Variants in ARFRP1 observed in about 807,000 individuals in gnomAD.
ARFRP1 encodes the protein ARF related protein 1, also known as ADP-ribosylation factor-related protein 1.
A neutral mutation model predicts 30.3 loss-of-function variants in ARFRP1; 19 were observed. The observed-to-expected ratio is 0.63, with a 90% CI of 0.44 to 0.92. The LOEUF is 0.92. ARFRP1 is among the 40% of genes least tolerant of loss of function. ARFRP1 has a pLI of 0.00. For synonymous variants in ARFRP1, 133 were observed against 114.2 expected, an observed-to-expected ratio of 1.16 and a Z score of -1.05; for missense variants, 245 against 267.5, an observed-to-expected ratio of 0.92 and a Z score of 0.59.
intron 6 of ARFRP1, 119 bp from the exon 7 acceptor site, chr20:63,700,821 A>T: frequency 7.3e-7 from 1 of 1,372,816 alleles, no homozygotes. Context: ...GAGCTCCACC[A>T]GGGTCCCAGT....
Position 63,699,268 on chromosome 20 carries a change from C to T in ARFRP1, c.*1175G>A, listed in dbSNP as rs992044316. On this transcript the variant is annotated 3_prime_UTR_variant, in exon 8 of 8. Transcript: ENST00000622789. ...GGACGCGGGGACTTCCAGGGCCCGA[C>T]TCCTGTGAGTCACAGCCCCGCAGCT... The T allele has an allele frequency of 3.3e-5, 5 of 152,258 alleles. No homozygotes were observed. Among genetic ancestry groups the T allele is most frequent in the African/African-American group, 1.2e-4 (5 of 41,428 alleles). 9.4% of individuals were successfully genotyped at this position (152,258 alleles called of 1,614,324 possible).
intron 4 of ARFRP1, chr20:63,705,413 G>A (rs945087624): frequency 1.9e-5 from 5 of 269,684 alleles, no homozygotes; most frequent in Non-Finnish European, 3.0e-5. Context: ...CAGGGAGCCC[G>A]AGGAAGCCAC....
In ARFRP1 at chr20:63,702,143, C is replaced by G. The variant is rs1262727562; in HGVS notation, c.339G>C (p.Gln113His). 2 of 1,611,208 alleles carry G rather than the reference C, an allele frequency of 1.2e-6. No homozygotes were observed. Among genetic ancestry groups the G allele is most frequent in the Non-Finnish European group, 1.7e-6 (2 of 1,179,682 alleles). The stretch of plus-strand genomic sequence containing the variant: ...CAGCCAGGCCGCACTCACCAAACGC[C>G]TGCTTGGACTCAGCCAGCCTCTCCT... ...TDEERLAESK[Q>H]AFEKVVTSEA... Residue 113 changes from glutamine to histidine, a missense_variant, in exon 5 of 8, where the codon CAG becomes CAC. Coordinates refer to ENST00000622789, the MANE Select transcript of ARFRP1 (RefSeq NM_001267547.3).
rs767032612 is a variant in ARFRP1 at position 63,706,740 on chromosome 20, TGAG to T, written c.94-5_94-3del. On this transcript the variant is annotated splice_region_variant and splice_polypyrimidine_tract_variant and intron_variant, in intron 2 of 7. Transcript: ENST00000622789. ...GGTTTTCGACTGCTCCAGGAAGGTC[TGAG>T]GAGAGAGGCAGAGGCGAAACACATC... 1 of 1,610,902 alleles carries T rather than the reference TGAG, an allele frequency of 6.2e-7. No individual in the cohort carries two copies. Among genetic ancestry groups the T allele is most frequent in the South Asian group, 1.1e-5 (1 of 91,016 alleles).
At chr20:63,703,592 C>T (rs1388566889) in intron 4 of ARFRP1, 1 of 152,346 alleles carries the variant, frequency 6.6e-6, no homozygotes, top group Admixed American at 6.5e-5. Context: ...CTGCTGCTGA[C>T]ACAAGGGAGC....
intron 4 of ARFRP1, chr20:63,702,471 G>T: frequency 1.9e-6 from 1 of 523,560 alleles, no homozygotes; most frequent in South Asian, 2.1e-5. Flanking sequence ...ACAGGGATTG[G>T]GCCAGGCGTG....
intron 4 of ARFRP1, chr20:63,704,893 T>C (rs1460146733): frequency 6.6e-6 from 1 of 152,114 alleles, no homozygotes; most frequent in African/African-American, 2.4e-5. Flanking sequence ...CACCAGGCCA[T>C]GGTGTGAAGT....
Position 63,701,915 on chromosome 20 carries a change from A to G in ARFRP1, c.347-15T>C. On this transcript the variant is annotated splice_polypyrimidine_tract_variant and intron_variant, in intron 5 of 7. Coordinates refer to ENST00000622789, the MANE Select transcript of ARFRP1 (RefSeq NM_001267547.3). ...CACCACCTTCTCTGGGGAGGGCAGG[A>G]GAGGCAGCGCCTCACACCCAGCATC... 3 of 1,544,758 alleles carry G rather than the reference A, an allele frequency of 1.9e-6. No individual in the cohort carries two copies. The highest frequency in any genetic ancestry group is 2.8e-5 in the African/African-American group (2 of 71,642).
At position 63,699,984 on chromosome 20, in the gene ARFRP1, CG is replaced by C. The variant is rs777345501; in HGVS notation, c.*458del. 1 of 149,240 alleles carries C rather than the reference CG, an allele frequency of 6.7e-6. No homozygotes were observed. 9.2% of individuals were successfully genotyped at this position (149,240 alleles called of 1,614,324 possible). On this transcript the variant is annotated 3_prime_UTR_variant, in exon 8 of 8. Coordinates refer to ENST00000622789, the MANE Select transcript of ARFRP1 (RefSeq NM_001267547.3). ...GGCAAGATCAGCCCCAGACCACTTC[CG>C]GGGTCACGGGGTCACGGGGTCACAG...
chr20:63,702,163 TCTC>T lies in ARFRP1; in HGVS notation c.316_318del (p.Glu106del). The T allele has an allele frequency of 6.2e-7, 1 of 1,611,822 alleles. No individual in the cohort carries two copies. The highest frequency in any genetic ancestry group is 8.5e-7 in the Non-Finnish European group (1 of 1,179,876). ...AACGCCTGCTTGGACTCAGCCAGCC[TCTC>T]CTCGTCGGTGGAGTCAATGACGTAG... On this transcript the variant is annotated inframe_deletion, in exon 5 of 8. Coordinates refer to ENST00000622789, the MANE Select transcript of ARFRP1 (RefSeq NM_001267547.3).
At chr20:63,702,425 G>A (rs1002027677) in intron 4 of ARFRP1, 17 of 578,256 alleles carry the variant, frequency 2.9e-5, no homozygotes, top group East Asian at 2.3e-4. Flanking sequence ...AGAACCTGCC[G>A]GCAACCTTTG....
At chr20:63,702,474 C>T in intron 4 of ARFRP1, 1 of 521,692 alleles carries the variant, frequency 1.9e-6, no homozygotes, top group African/African-American at 1.9e-5. Flanking sequence ...GGGATTGGGC[C>T]AGGCGTGGTG....
chr20:63,702,173 G>A lies in ARFRP1; in HGVS notation c.309C>T (p.Thr103=), dbSNP rs765323430. 10 of 1,611,838 alleles carry A rather than the reference G, an allele frequency of 6.2e-6. No homozygotes were observed. The highest frequency in any genetic ancestry group is 2.2e-5 in the East Asian group (1 of 44,880). Residue 103 remains threonine, a synonymous_variant, in exon 5 of 8, where the codon ACC becomes ACT. Coordinates refer to ENST00000622789, the MANE Select transcript of ARFRP1 (RefSeq NM_001267547.3). ...CHGVIYVIDS[T]DEERLAESKQ... ...TGGACTCAGCCAGCCTCTCCTCGTCGGTGGAGTCAATGACGTAGATGACGC... is the reference window on the plus strand; with the variant it reads ...TGGACTCAGCCAGCCTCTCCTCGTCAGTGGAGTCAATGACGTAGATGACGC...
chr20:63,702,086 C>G (rs1275949201), intron 5 of ARFRP1, 50 bp downstream of exon 5: 4 of 1,581,678 alleles, frequency 2.5e-6, no homozygotes, highest in Non-Finnish European at 3.5e-6. Flanking sequence ...CAAGCTGGAC[C>G]TGCCCCCACT....
At chr20:63,707,167 G>T (rs2091521535) in intron 1 of ARFRP1, 70 bp from the exon 2 acceptor site, 1 of 1,382,070 alleles carries the variant, frequency 7.2e-7, no homozygotes. Flanking sequence ...CTCCACGGTG[G>T]TCAGTGGCGC....
At chr20:63,706,054 A>G (rs6011040) in intron 4 of ARFRP1, 263,584 of 377,908 alleles carry the variant, frequency 0.7, 93,578 homozygotes, top group African/African-American at 0.81. Flanking sequence ...AGGTTCCCCT[A>G]ATACATGCTC....
chr20:63,701,998 G>GGCCCCCCCCCCCC, intron 5 of ARFRP1, 98 bp from the exon 6 acceptor site: 4 of 583,906 alleles, frequency 6.9e-6, no homozygotes, highest in African/African-American at 4.3e-5. Flanking sequence ...CACTCCCTCT[G>GGCCCCCCCCCCCC]CCCCCCCCCC....
chr20:63,701,968 G>A (rs1480822838), intron 5 of ARFRP1, 68 bp from the exon 6 acceptor site: 1 of 1,487,028 alleles, frequency 6.7e-7, no homozygotes, highest in Non-Finnish European at 9.1e-7. Context: ...GGGGCCCACA[G>A]GCGTGGACAC....
Position 63,702,235 on chromosome 20 carries a change from G to C in ARFRP1, c.265-18C>G. 6.2e-7 allele frequency: 1 copy of C among 1,607,838 alleles called. No individual in the cohort carries two copies. Among genetic ancestry groups the C allele is most frequent in the Non-Finnish European group, 8.5e-7 (1 of 1,176,586 alleles). Reference sequence around the variant, plus strand: ...GCATAATACTGGGAGGAAGCACCAGGAGTTGGGGCTCAGTCCCCACCCTGC... The same window carrying C: ...GCATAATACTGGGAGGAAGCACCAGCAGTTGGGGCTCAGTCCCCACCCTGC... On this transcript the variant is annotated intron_variant, in intron 4 of 7. Coordinates refer to ENST00000622789, the MANE Select transcript of ARFRP1 (RefSeq NM_001267547.3).
Sources: allele counts gnomAD v4.1 joint callset, GRCh38; gene constraint gnomAD v4.1.1; transcripts MANE v1.5; gene names NCBI Gene and HGNC (gene_info 2026-07-23, HGNC 2026-07-21).